Variants in FAM3B observed in about 807,000 individuals in gnomAD.
The protein encoded by FAM3B is FAM3 metabolism regulating signaling molecule B, also known as protein FAM3B.
FAM3B carries 29 observed loss-of-function variants against 28.4 expected under a neutral mutation model. The observed-to-expected ratio is 1.02, with a 90% CI of 0.76 to 1.39. The LOEUF (loss-of-function observed/expected upper bound fraction) is 1.39. Among genes scored for constraint, FAM3B ranks in the 40% most tolerant of loss-of-function variants. FAM3B has a pLI of 0.00. For synonymous variants in FAM3B, 91 were observed against 103.0 expected, an observed-to-expected ratio of 0.88 and a Z score of 0.71; for missense variants, 266 against 293.9, an observed-to-expected ratio of 0.91 and a Z score of 0.69.
chr21:41,357,086 A>T (rs200964033), intron 7 of FAM3B, 22 bp from the exon 8 acceptor site: 6 of 1,558,580 alleles, frequency 3.8e-6, no homozygotes, highest in Non-Finnish European at 5.2e-6. Flanking sequence ...GAATAAATAA[A>T]ACTCTTCTTT....
intron 2 of FAM3B, among the ~76,000 whole-genome samples, chr21:41,323,376 G>A (rs928757220): frequency 6.6e-6 from 1 of 152,198 alleles, no homozygotes; most frequent in South Asian, 2.1e-4. Flanking sequence ...GAGGGTCCAG[G>A]TTCTGAGATC....
intron 7 of FAM3B, among the ~76,000 whole-genome samples, chr21:41,352,588 T>G (rs1239471358): frequency 2.0e-5 from 3 of 151,954 alleles, no homozygotes; most frequent in South Asian, 2.1e-4. Context: ...AGGTCAGAAG[T>G]TCAAGACCAG....
chr21:41,316,111 C>T (rs1342494438), upstream of FAM3B, among the ~76,000 whole-genome samples: 1 of 152,180 alleles, frequency 6.6e-6, no homozygotes, highest in Admixed American at 6.6e-5. Flanking sequence ...AAGGTGTACC[C>T]GTGGATGGGG....
intron 1 of FAM3B, chr21:41,304,381 G>C: frequency 2.2e-6 from 1 of 449,470 alleles, no homozygotes; most frequent in Non-Finnish European, 4.5e-6. Flanking sequence ...CTGCATCTGG[G>C]ACCCTGAGCA....
At chr21:41,317,441 A>C (rs2088760286) in intron 1 of FAM3B, among the ~76,000 whole-genome samples, 1 of 152,182 alleles carries the variant, frequency 6.6e-6, no homozygotes, top group South Asian at 2.1e-4. Flanking sequence ...GGAAAGGAGA[A>C]ACCCATTATT....
intron 1 of FAM3B, among the ~76,000 whole-genome samples, chr21:41,321,766 A>T (rs984888757): frequency 2.0e-5 from 3 of 152,170 alleles, no homozygotes; most frequent in African/African-American, 7.2e-5. Flanking sequence ...TAGCCGGTGC[A>T]TGGGTCGGGG....
At chr21:41,334,722 G>A (rs558761361) in intron 2 of FAM3B, among the ~76,000 whole-genome samples, 1 of 152,330 alleles carries the variant, frequency 6.6e-6, no homozygotes, top group South Asian at 2.1e-4. Context: ...AGTCCCCACT[G>A]GAGCACTGCC....
chr21:41,336,239 A>G (rs956048593), intron 2 of FAM3B, among the ~76,000 whole-genome samples: 10 of 152,270 alleles, frequency 6.6e-5, no homozygotes, highest in South Asian at 2.1e-4. Context: ...TTTAAGAAAT[A>G]GGCCAGGCAT....
At chr21:41,335,445 A>G (rs367816723) in intron 2 of FAM3B, among the ~76,000 whole-genome samples, 1 of 152,174 alleles carries the variant, frequency 6.6e-6, no homozygotes, top group Non-Finnish European at 1.5e-5. Context: ...GGCAGTGCTC[A>G]TAACAGTGAA....
At chr21:41,315,700 C>T (rs1376636361), upstream of FAM3B, among the ~76,000 whole-genome samples, 1 of 152,108 alleles carries the variant, frequency 6.6e-6, no homozygotes, top group East Asian at 1.9e-4. Context: ...GTCTTCTGGT[C>T]CCTCTGGTTT....
intron 1 of FAM3B, among the ~76,000 whole-genome samples, chr21:41,308,731 G>A (rs1437330401): frequency 9.9e-5 from 15 of 152,062 alleles, no homozygotes; most frequent in African/African-American, 2.7e-4. Context: ...TAGAGACAGG[G>A]TTTCGCCATG....
At chr21:41,351,562 G>A (rs1049811109) in intron 7 of FAM3B, among the ~76,000 whole-genome samples, 2 of 152,180 alleles carry the variant, frequency 1.3e-5, no homozygotes, top group Non-Finnish European at 2.9e-5. Flanking sequence ...TGCCACTGGA[G>A]GAATCATTTG....
intron 1 of FAM3B, among the ~76,000 whole-genome samples, chr21:41,317,513 C>T (rs1323260376): frequency 1.3e-5 from 2 of 152,200 alleles, no homozygotes; most frequent in South Asian, 2.1e-4. Flanking sequence ...CTGTCACTTT[C>T]CTGTCACAGA....
At chr21:41,319,340 C>G (rs974951046) in intron 1 of FAM3B, 1 of 152,208 alleles carries the variant, frequency 6.6e-6, no homozygotes, top group Non-Finnish European at 1.5e-5. Context: ...GGAGAAAGTT[C>G]ACTAGCTTTC....
At chr21:41,308,055 G>A (rs2088690896) in intron 1 of FAM3B, among the ~76,000 whole-genome samples, 3 of 152,158 alleles carry the variant, frequency 2.0e-5, no homozygotes, top group Non-Finnish European at 4.4e-5. Context: ...TTCAAGATGT[G>A]TGTCATATAG....
intron 1 of FAM3B, among the ~76,000 whole-genome samples, chr21:41,321,697 G>A (rs773951009): frequency 5.9e-5 from 9 of 152,170 alleles, no homozygotes; most frequent in Non-Finnish European, 8.8e-5. Flanking sequence ...TATCCCCATG[G>A]CTCCCTCTGC....
intron 4 of FAM3B, 139 bp downstream of exon 4, chr21:41,344,673 A>G: frequency 1.6e-6 from 1 of 634,126 alleles, no homozygotes; most frequent in Non-Finnish European, 2.8e-6. Flanking sequence ...TATATACTCA[A>G]TTATTTTTAC....
chr21:41,314,762 TAAA>T (rs34615145), upstream of FAM3B, among the ~76,000 whole-genome samples: 54 of 147,422 alleles, frequency 3.7e-4, no homozygotes, highest in African/African-American at 1.3e-3. Flanking sequence ...AGGCTACTAT[TAAA>T]AAAAAAAAAA....
At chr21:41,309,684 C>G (rs2088699476) in intron 1 of FAM3B, among the ~76,000 whole-genome samples, 1 of 152,182 alleles carries the variant, frequency 6.6e-6, no homozygotes, top group Admixed American at 6.5e-5. Flanking sequence ...AGGAGACTCA[C>G]AGGGGAAACA....
Sources: allele counts gnomAD v4.1 joint callset (sites outside exome capture counted in the v4.1 genomes callset), GRCh38; gene constraint gnomAD v4.1.1; transcripts MANE v1.5; gene names NCBI Gene and HGNC (gene_info 2026-07-23, HGNC 2026-07-21).